NEDD4L: variants seen among roughly 807,000 people sequenced by gnomAD.
NEDD4L encodes the protein NEDD4 like E3 ubiquitin protein ligase.
A neutral mutation model predicts 148.9 loss-of-function variants in NEDD4L; 54 were observed. The ratio of observed to expected loss-of-function variants is 0.36; its 90% CI spans 0.29 to 0.45. The LOEUF (loss-of-function observed/expected upper bound fraction) is 0.45. NEDD4L is among the 20% of genes least tolerant of loss of function. NEDD4L has a pLI of 1.00. For synonymous variants in NEDD4L, 433 were observed against 440.7 expected (o/e 0.98, Z 0.22); for missense variants, 856 against 1,233.8 (o/e 0.69, Z 4.59).
chr18:58,257,433 C>T (rs910561293), intron 5 of NEDD4L, among the ~76,000 whole-genome samples: 1 of 151,258 alleles, frequency 6.6e-6, no homozygotes, highest in African/African-American at 2.4e-5. Context: ...TGCTAAGATA[C>T]TAACAGATGC....
chr18:58,365,735 G>A (rs2046033976), intron 20 of NEDD4L, among the ~76,000 whole-genome samples: 1 of 152,174 alleles, frequency 6.6e-6, no homozygotes, highest in South Asian at 2.1e-4. Context: ...TTTATTAAAG[G>A]GGGCAAGGAG....
intron 12 of NEDD4L, 142 bp downstream of exon 12, chr18:58,334,034 C>G: frequency 1.9e-6 from 1 of 529,166 alleles, no homozygotes; most frequent in Non-Finnish European, 3.3e-6. Context: ...GGCCAATTGC[C>G]CTAGGAAAGT....
intron 1 of NEDD4L, among the ~76,000 whole-genome samples, chr18:58,102,239 G>C (rs1346364276): frequency 6.6e-6 from 1 of 152,104 alleles, no homozygotes; most frequent in East Asian, 1.9e-4. Context: ...CAGAGGGGTG[G>C]GGGGTGGTGA....
At chr18:58,283,129 G>A (rs530175193) in intron 5 of NEDD4L, among the ~76,000 whole-genome samples, 4 of 152,068 alleles carry the variant, frequency 2.6e-5, no homozygotes, top group Admixed American at 6.5e-5. Flanking sequence ...AGGCTGGAGC[G>A]CAGTGGTGCG....
Position 58,276,194 on chromosome 18 carries a change from G to GTTT in NEDD4L, c.297+24156_297+24158dup, listed in dbSNP as rs1200942500. On this transcript the variant is annotated intron_variant, in intron 5 of 30. Coordinates refer to ENST00000400345, the MANE Select transcript of NEDD4L (RefSeq NM_001144967.3). ...CGATTTAATGTGCATTTTCTTTTTC[G>GTTT]TTTTTTTTTTTTTTTTTTGGGTGGG... is the stretch of plus-strand genomic sequence containing the variant. 4.9e-4 allele frequency among the ~76,000 whole-genome samples: 28 copies of GTTT among 57,492 alleles called. 1 individual carries two copies. Among genetic ancestry groups the GTTT allele is most frequent in the African/African-American group, 8.8e-4 (11 of 12,570 alleles). 37.7% of individuals were successfully genotyped at this position (57,492 alleles called of 152,430 possible).
At chr18:58,143,777 C>G (rs958525698) in intron 1 of NEDD4L, among the ~76,000 whole-genome samples, 1 of 152,102 alleles carries the variant, frequency 6.6e-6, no homozygotes, top group Non-Finnish European at 1.5e-5. Flanking sequence ...GTGTGACAGC[C>G]CACAGCTGTC....
chr18:58,148,176 T>C (rs1207805577), intron 1 of NEDD4L, among the ~76,000 whole-genome samples: 4 of 151,944 alleles, frequency 2.6e-5, no homozygotes, highest in Admixed American at 2.6e-4. Context: ...TTTTTTTTTT[T>C]TCTTTTTGAG....
chr18:58,079,719 G>A (rs913724108), intron 1 of NEDD4L, among the ~76,000 whole-genome samples: 2 of 152,164 alleles, frequency 1.3e-5, no homozygotes, highest in East Asian at 1.9e-4. Context: ...AACCGGAGGG[G>A]TCATTTCCCT....
At chr18:58,352,326 G>A (rs1275620408) in intron 18 of NEDD4L, among the ~76,000 whole-genome samples, 1 of 152,080 alleles carries the variant, frequency 6.6e-6, no homozygotes, top group African/African-American at 2.4e-5. Flanking sequence ...TAAAATGAGA[G>A]AGAGGCCACA....
chr18:58,242,816 C>T (rs2046806337), intron 2 of NEDD4L, among the ~76,000 whole-genome samples: 1 of 152,176 alleles, frequency 6.6e-6, no homozygotes, highest in Admixed American at 6.5e-5. Context: ...CTCTCCTCCC[C>T]TCGAGCTTAC....
chr18:58,052,860 G>A (rs8093023), intron 1 of NEDD4L, among the ~76,000 whole-genome samples: 122,973 of 152,026 alleles, frequency 0.81, 50,298 homozygotes, highest in East Asian at 1. Context: ...CAGCTACTTG[G>A]GAGGCTGAAG....
At chr18:58,355,085 G>C (rs2044421348) in intron 18 of NEDD4L, among the ~76,000 whole-genome samples, 1 of 152,232 alleles carries the variant, frequency 6.6e-6, no homozygotes, top group Non-Finnish European at 1.5e-5. Flanking sequence ...GCTCCCAGGG[G>C]ATTTCCCAGA....
chr18:58,130,575 G>A lies in NEDD4L; in HGVS notation c.49-35213G>A, dbSNP rs376383595. 8.3e-3 allele frequency among the ~76,000 whole-genome samples: 937 copies of A among 113,204 alleles called. 18 individuals are homozygous for A. Among genetic ancestry groups the A allele is most frequent in the African/African-American group, 0.017 (486 of 28,642 alleles). 74.3% of individuals were successfully genotyped at this position (113,204 alleles called of 152,430 possible). A position where few individuals can be genotyped will look rare whatever the true frequency, so the allele number is the denominator to read the frequency against. On this transcript the variant is annotated intron_variant, in intron 1 of 30. Transcript: ENST00000400345. ...GGTTGTGATCTAGCGGAACTGTGGC[G>A]GTGTTGGGCTCTGTTGGGGTTTGGT...
chr18:58,077,704 G>A (rs970587255), intron 1 of NEDD4L, among the ~76,000 whole-genome samples: 25 of 152,144 alleles, frequency 1.6e-4, no homozygotes, highest in Admixed American at 1.3e-3. Flanking sequence ...CCCAGGGAGC[G>A]CTTCCCGATT....
chr18:58,231,458 A>G (rs991914368), intron 2 of NEDD4L, among the ~76,000 whole-genome samples: 55 of 152,120 alleles, frequency 3.6e-4, no homozygotes, highest in African/African-American at 1.2e-3. Flanking sequence ...GGGGGAAAGC[A>G]TGAAGGATGA....
intron 19 of NEDD4L, among the ~76,000 whole-genome samples, chr18:58,363,160 T>G (rs2045698009): frequency 6.9e-6 from 1 of 144,990 alleles, no homozygotes. Flanking sequence ...GAAGAGTGGT[T>G]GTTTGTTTTG....
rs58608106 is a variant in NEDD4L at position 58,063,949 on chromosome 18, CTTTTTTTTTTTTTT to C, written c.48+19261_48+19274del. On this transcript the variant is annotated intron_variant, in intron 1 of 30. Transcript: ENST00000400345. ...TTGCCTTATTTTTACTATAATGTTT[CTTTTTTTTTTTTTT>C]TTTTTTTTTTTTTTTTTTTGAGACG... Among the ~76,000 whole-genome samples, 57 of 129,894 alleles carry C rather than the reference CTTTTTTTTTTTTTT, an allele frequency of 4.4e-4. 1 individual carries two copies. Among genetic ancestry groups the C allele is most frequent in the African/African-American group, 1.5e-3 (47 of 32,182 alleles). The allele number at this position is 129,894 out of a possible 152,430, so 85.2% of individuals were successfully genotyped here.
intron 5 of NEDD4L, among the ~76,000 whole-genome samples, chr18:58,278,463 A>G (rs901662898): frequency 2.0e-5 from 3 of 152,178 alleles, no homozygotes; most frequent in African/African-American, 7.2e-5. Context: ...CTTCTAATCC[A>G]CGTCCCACAT....
At chr18:58,222,331 A>G (rs1413531806) in intron 2 of NEDD4L, among the ~76,000 whole-genome samples, 1 of 152,198 alleles carries the variant, frequency 6.6e-6, no homozygotes, top group Non-Finnish European at 1.5e-5. Context: ...CATGGCTTAT[A>G]TCTGAATTTT....
Sources: gnomAD v4.1 joint callset for allele counts (sites outside exome capture counted in the v4.1 genomes callset) on GRCh38, gnomAD v4.1.1 for gene constraint, MANE v1.5 for transcripts, NCBI Gene and HGNC (gene_info 2026-07-23, HGNC 2026-07-21) for gene names.